The following MALRD1 variants were observed in gnomAD, a reference collection of about 807,000 sequenced individuals.
MALRD1 encodes the protein MAM and LDL receptor class A domain containing 1.
MALRD1 carries 247 observed loss-of-function variants against 242.1 expected under a neutral mutation model. That is an observed-to-expected ratio of 1.02 (90% CI 0.92 to 1.13). MALRD1 has a LOEUF of 1.13. Ranked by LOEUF, MALRD1 falls within the 50% of genes most tolerant of loss-of-function variation. MALRD1 has a pLI of 0.00. For synonymous variants in MALRD1, 995 were observed against 866.6 expected, an observed-to-expected ratio of 1.15 and a Z score of -2.60; for missense variants, 2,989 against 2,533.1, an observed-to-expected ratio of 1.18 and a Z score of -3.86.
At chr10:19,087,816 T>A (rs1835724701) in intron 2 of MALRD1, 24 bp from the exon 3 acceptor site, 2 of 1,157,542 alleles carry the variant, frequency 1.7e-6, no homozygotes, top group South Asian at 4.4e-5. Context: ...TTTTTTTTTG[T>A]ACCCTGTCTC....
intron 25 of MALRD1, among the ~76,000 whole-genome samples, chr10:19,349,411 C>A (rs1040357489): frequency 6.6e-6 from 1 of 152,202 alleles, no homozygotes; most frequent in Non-Finnish European, 1.5e-5. Context: ...TCTGTCTCAT[C>A]ATGAGTTGAC....
At chr10:19,086,757 C>T (rs1222226629) in intron 2 of MALRD1, among the ~76,000 whole-genome samples, 1 of 152,092 alleles carries the variant, frequency 6.6e-6, no homozygotes, top group African/African-American at 2.4e-5. Context: ...AGAGGGGCCT[C>T]TGGCCGAGTT....
chr10:19,545,680 G>A (rs370589880), intron 32 of MALRD1, among the ~76,000 whole-genome samples: 9 of 151,918 alleles, frequency 5.9e-5, no homozygotes, highest in East Asian at 1.9e-4. Flanking sequence ...CTCATCATTC[G>A]TCACCTTAGG....
intron 36 of MALRD1, among the ~76,000 whole-genome samples, chr10:19,638,543 G>A (rs10508590): frequency 0.05 from 7,663 of 152,204 alleles, 255 homozygotes; most frequent in Middle Eastern, 0.11. Context: ...TAATCACTTG[G>A]AAAATGGTAG....
At chr10:19,177,722 A>G (rs1229764895) in intron 14 of MALRD1, among the ~76,000 whole-genome samples, 1 of 152,084 alleles carries the variant, frequency 6.6e-6, no homozygotes, top group Non-Finnish European at 1.5e-5. Flanking sequence ...AGTTTTGGTG[A>G]AGAGCAAACA....
chr10:19,716,953 T>A (rs1834420812), intron 38 of MALRD1: 1 of 152,174 alleles, frequency 6.6e-6, no homozygotes, highest in Non-Finnish European at 1.5e-5. Context: ...ATCAAGTATT[T>A]AAAGTATGGG....
At chr10:19,710,509 T>C (rs1158997821) in intron 38 of MALRD1, 3 of 152,182 alleles carry the variant, frequency 2.0e-5, no homozygotes, top group Non-Finnish European at 4.4e-5. Context: ...AACACATTTA[T>C]TGAATAATGC....
intron 20 of MALRD1, among the ~76,000 whole-genome samples, chr10:19,280,594 T>G (rs567659125): frequency 6.6e-5 from 10 of 152,276 alleles, no homozygotes; most frequent in African/African-American, 2.4e-4. Flanking sequence ...TCAAATTAAT[T>G]TATTCAAATT....
At chr10:19,495,342 A>G (rs1837665328) in intron 30 of MALRD1, among the ~76,000 whole-genome samples, 1 of 152,046 alleles carries the variant, frequency 6.6e-6, no homozygotes, top group South Asian at 2.1e-4. Context: ...AAAAGGAAGG[A>G]CAGGTCACCT....
intron 36 of MALRD1, among the ~76,000 whole-genome samples, chr10:19,652,272 G>A (rs1840934284): frequency 6.6e-6 from 1 of 152,144 alleles, no homozygotes; most frequent in South Asian, 2.1e-4. Context: ...GCACTCTTGA[G>A]GTGAATATTG....
intron 39 of MALRD1, among the ~76,000 whole-genome samples, chr10:19,731,588 T>A (rs1486395270): frequency 1.3e-5 from 2 of 152,114 alleles, no homozygotes; most frequent in African/African-American, 4.8e-5. Flanking sequence ...TCACATGCTA[T>A]ACATTAGATC....
chr10:19,668,876 G>C (rs551790781), intron 36 of MALRD1, among the ~76,000 whole-genome samples: 100 of 152,254 alleles, frequency 6.6e-4, no homozygotes, highest in African/African-American at 2.3e-3. Context: ...CAGGAAGAGA[G>C]AACAGAGAAA....
At chr10:19,196,540 T>G (rs1182035840) in intron 14 of MALRD1, among the ~76,000 whole-genome samples, 5 of 128,666 alleles carry the variant, frequency 3.9e-5, no homozygotes, top group South Asian at 2.3e-4. Context: ...CTCTTTGTTT[T>G]TTTTTTTTTT....
At chr10:19,567,467 A>C in intron 32 of MALRD1, 35 bp from the exon 33 acceptor site, 1 of 1,525,998 alleles carries the variant, frequency 6.6e-7, no homozygotes, top group Non-Finnish European at 8.9e-7. Context: ...TCTAATATCC[A>C]ATCATAAAAA....
intron 18 of MALRD1, among the ~76,000 whole-genome samples, chr10:19,224,972 T>G (rs1192871891): frequency 1.3e-5 from 2 of 152,210 alleles, no homozygotes; most frequent in Non-Finnish European, 2.9e-5. Flanking sequence ...TGGTTTTAGA[T>G]CTTATGTTTA....
At chr10:19,459,115 G>A (rs1007656190) in intron 29 of MALRD1, among the ~76,000 whole-genome samples, 1 of 151,974 alleles carries the variant, frequency 6.6e-6, no homozygotes, top group Non-Finnish European at 1.5e-5. Context: ...TCAGGATTAT[G>A]GTTGCTTAAT....
At chr10:19,589,840 A>G (rs1197959064) in intron 33 of MALRD1, among the ~76,000 whole-genome samples, 1 of 152,136 alleles carries the variant, frequency 6.6e-6, no homozygotes, top group African/African-American at 2.4e-5. Context: ...TCAACACAGA[A>G]TGTGCTATTT....
chr10:19,543,203 G>A (rs1437307865), intron 32 of MALRD1, among the ~76,000 whole-genome samples: 1 of 152,116 alleles, frequency 6.6e-6, no homozygotes, highest in Non-Finnish European at 1.5e-5. Context: ...TCTGGCCTCA[G>A]CCTCTCAAGT....
At chr10:19,501,032 A>T (rs562936746) in intron 31 of MALRD1, among the ~76,000 whole-genome samples, 1 of 152,208 alleles carries the variant, frequency 6.6e-6, no homozygotes, top group African/African-American at 2.4e-5. Context: ...TAGGAGTGTG[A>T]CAGCCAGTAG....
Sources: gnomAD v4.1 joint callset for allele counts (sites outside exome capture counted in the v4.1 genomes callset) on GRCh38, gnomAD v4.1.1 for gene constraint, MANE v1.5 for transcripts, NCBI Gene and HGNC (gene_info 2026-07-23, HGNC 2026-07-21) for gene names.